Variants in MSH4 observed in about 807,000 individuals in gnomAD.
The protein encoded by MSH4 is mutS protein homolog 4.
A neutral mutation model predicts 113.7 loss-of-function variants in MSH4; 106 were observed. That is an observed-to-expected ratio of 0.93 (90% CI 0.80 to 1.10). The LOEUF (loss-of-function observed/expected upper bound fraction) is 1.10, where lower values mean the gene tolerates loss of function less well. Ranked by LOEUF, MSH4 falls within the 50% of genes least tolerant of loss-of-function variation. The pLI is 0.00. For missense variants in MSH4, 1,061 were observed against 1,093.7 expected, an observed-to-expected ratio of 0.97 and a Z score of 0.42; for synonymous variants, 368 against 380.2, an observed-to-expected ratio of 0.97 and a Z score of 0.37.
In MSH4 at chr1:75,906,461, A is replaced by AT. The variant is rs1205633893; in HGVS notation, c.2620-6234dup. On this transcript the variant is annotated intron_variant, in intron 19 of 19. Transcript: ENST00000263187. ...ATATATATAATATATATACAATATTATATATATTATATATAATATATACAT... is the reference window on the plus strand; with the variant it reads ...ATATATATAATATATATACAATATTATTATATATTATATATAATATATACAT... 3.2e-4 allele frequency among the ~76,000 whole-genome samples: 2 copies of AT among 6,202 alleles called. 1 individual carries two copies. Among genetic ancestry groups the AT allele is most frequent in the South Asian group, 0.024 (2 of 84 alleles). The allele number at this position is 6,202 out of a possible 152,430, so 4.1% of individuals were successfully genotyped here.
At chr1:75,881,734 G>C (rs1651936812) in intron 14 of MSH4, among the ~76,000 whole-genome samples, 1 of 151,992 alleles carries the variant, frequency 6.6e-6, no homozygotes, top group South Asian at 2.1e-4. Context: ...AGAGAGAAAT[G>C]CATCTCCAGA....
chr1:75,884,649 C>T (rs971758122), intron 15 of MSH4, among the ~76,000 whole-genome samples: 8 of 151,964 alleles, frequency 5.3e-5, no homozygotes, highest in African/African-American at 1.9e-4. Flanking sequence ...CATACACACA[C>T]ACATAAGAAA....
intron 9 of MSH4, among the ~76,000 whole-genome samples, chr1:75,873,371 A>G (rs556854479): frequency 6.6e-6 from 1 of 152,304 alleles, no homozygotes; most frequent in East Asian, 1.9e-4. Flanking sequence ...GTATCCTTAG[A>G]TCAATGAAGA....
intron 8 of MSH4, among the ~76,000 whole-genome samples, chr1:75,853,983 C>G (rs1651252555): frequency 1.1e-5 from 1 of 94,822 alleles, no homozygotes; most frequent in South Asian, 4.9e-4. Context: ...TTCTAAAACC[C>G]TCTCATGGCT....
chr1:75,829,456 G>A (rs1420222839), intron 7 of MSH4, among the ~76,000 whole-genome samples: 1 of 152,204 alleles, frequency 6.6e-6, no homozygotes, highest in Non-Finnish European at 1.5e-5. Flanking sequence ...CCAGCATGGA[G>A]TTTGAGATCT....
chr1:75,831,653 A>G (rs1323311430), intron 7 of MSH4, among the ~76,000 whole-genome samples: 2 of 152,252 alleles, frequency 1.3e-5, no homozygotes, highest in Non-Finnish European at 2.9e-5. Flanking sequence ...GTTAAACTAC[A>G]TGGAAACTGA....
rs1163735050 is a variant in MSH4 at position 75,803,982 on chromosome 1, G to C, written c.427+69G>C. The C allele has an allele frequency of 4.5e-6, 5 of 1,119,632 alleles. No homozygotes were observed. In the East Asian group the frequency reaches 1.2e-4, roughly 26 times the overall value. 69.4% of individuals were successfully genotyped at this position (1,119,632 alleles called of 1,614,324 possible). On this transcript the variant is annotated intron_variant, in intron 2 of 19. Coordinates refer to ENST00000263187, the MANE Select transcript of MSH4 (RefSeq NM_002440.4). Reference sequence around the variant, plus strand: ...AAAAGTTTTATAAATTATAAATTAGGGTTATTAAGTTCATTTGAATTTATC... The same window carrying C: ...AAAAGTTTTATAAATTATAAATTAGCGTTATTAAGTTCATTTGAATTTATC...
chr1:75,860,920 T>G (rs1421924001), intron 8 of MSH4, among the ~76,000 whole-genome samples: 1 of 152,262 alleles, frequency 6.6e-6, no homozygotes, highest in East Asian at 1.9e-4. Flanking sequence ...AGATTTGGTC[T>G]TTTCACCTAG....
At chr1:75,840,463 G>C (rs1340076021) in intron 7 of MSH4, among the ~76,000 whole-genome samples, 1 of 140,114 alleles carries the variant, frequency 7.1e-6, no homozygotes, top group Non-Finnish European at 1.5e-5. Context: ...GGTGGGAATT[G>C]AACAATGAGA....
chr1:75,828,442 T>G lies in MSH4; in HGVS notation c.1162+5861T>G, dbSNP rs1450999218. ...TCAACAGTGGACTGGGTGAAGAAAA[T>G]TTGGTACATATACACCTTGGAATAC... is the stretch of plus-strand genomic sequence containing the variant. On this transcript the variant is annotated intron_variant, in intron 7 of 19. Coordinates refer to ENST00000263187, the MANE Select transcript of MSH4 (RefSeq NM_002440.4). 3.9e-5 allele frequency among the ~76,000 whole-genome samples: 6 copies of G among 152,110 alleles called. No individual in the cohort carries two copies. In the South Asian group the frequency reaches 1.0e-3, roughly 26 times the overall value.
rs545454315 is a variant in MSH4 at position 75,847,915 on chromosome 1, C to T, written c.1163-294C>T. 6.6e-5 allele frequency among the ~76,000 whole-genome samples: 10 copies of T among 152,214 alleles called. No homozygotes were observed. The South Asian group carries it at 1.2e-3, about 19-fold the overall frequency. ...TATTAAATGTTTTATCTCCCAACAT[C>T]GCCACACTAGGAATTAAGGTTTCAA... On this transcript the variant is annotated intron_variant, in intron 7 of 19. Coordinates refer to ENST00000263187, the MANE Select transcript of MSH4 (RefSeq NM_002440.4).
chr1:75,888,093 G>A (rs1283460551), intron 15 of MSH4, among the ~76,000 whole-genome samples: 1 of 150,298 alleles, frequency 6.7e-6, no homozygotes, highest in Non-Finnish European at 1.5e-5. Flanking sequence ...CTACTGTTAT[G>A]ATTATTACTT....
At chr1:75,912,612 G>A in intron 19 of MSH4, 84 bp from the exon 20 acceptor site, 3 of 861,420 alleles carry the variant, frequency 3.5e-6, no homozygotes, top group Middle Eastern at 3.5e-4. Flanking sequence ...TATGGAAGGA[G>A]ATAGAATATT....
At chr1:75,824,801 G>C (rs989927944) in intron 7 of MSH4, among the ~76,000 whole-genome samples, 1 of 151,482 alleles carries the variant, frequency 6.6e-6, no homozygotes, top group African/African-American at 2.4e-5. Flanking sequence ...TCTCTGTTCT[G>C]TTCCATTGGT....
At chr1:75,831,580 A>G (rs1172245418) in intron 7 of MSH4, among the ~76,000 whole-genome samples, 1 of 152,174 alleles carries the variant, frequency 6.6e-6, no homozygotes, top group African/African-American at 2.4e-5. Context: ...ATTATAACAA[A>G]CTGTCTCTCA....
At chr1:75,833,854 C>A (rs918997039) in intron 7 of MSH4, among the ~76,000 whole-genome samples, 3 of 152,136 alleles carry the variant, frequency 2.0e-5, no homozygotes, top group Non-Finnish European at 2.9e-5. Flanking sequence ...TAAGCAATAC[C>A]ATTCAGGTCA....
At chr1:75,802,021 T>A (rs1396891668) in intron 1 of MSH4, among the ~76,000 whole-genome samples, 2 of 151,626 alleles carry the variant, frequency 1.3e-5, no homozygotes, top group African/African-American at 4.9e-5. Flanking sequence ...TACAAAAAAT[T>A]AGCCTGGCAT....
At position 75,874,679 on chromosome 1, in the gene MSH4, G is replaced by A. The variant is rs2100567214; in HGVS notation, c.1306-2257G>A. On this transcript the variant is annotated intron_variant, in intron 9 of 19. Coordinates refer to ENST00000263187, the MANE Select transcript of MSH4 (RefSeq NM_002440.4). ...GAATGCCATATATGCTGTTGCCAGT[G>A]CTTGGAACATAGTTACTAAAGACGT... 1.3e-5 allele frequency among the ~76,000 whole-genome samples: 2 copies of A among 152,176 alleles called. 1 individual carries two copies. The highest frequency in any genetic ancestry group is 4.2e-4 in the South Asian group (2 of 4,818).
intron 5 of MSH4, 82 bp from the exon 6 acceptor site, chr1:75,816,291 A>T (rs1226214257): frequency 1.0e-6 from 1 of 975,016 alleles, no homozygotes; most frequent in African/African-American, 1.7e-5. Context: ...TGCTATGCAA[A>T]TATTTATAAT....
Sources: gnomAD v4.1 joint callset for allele counts (sites outside exome capture counted in the v4.1 genomes callset) on GRCh38, gnomAD v4.1.1 for gene constraint, MANE v1.5 for transcripts, NCBI Gene and HGNC (gene_info 2026-07-23, HGNC 2026-07-21) for gene names.